Variants in ADCY3 observed in about 807,000 individuals in gnomAD.
ADCY3 encodes the protein adenylate cyclase 3, also known as adenylate cyclase type 3.
A neutral mutation model predicts 119.4 loss-of-function variants in ADCY3; 70 were observed. The observed-to-expected ratio is 0.59, with a 90% CI of 0.48 to 0.72. The LOEUF is 0.72. Among genes scored for constraint, ADCY3 ranks in the 30% least tolerant of loss-of-function variants. ADCY3 has a pLI of 0.00. For missense variants in ADCY3, 1,238 were observed against 1,541.6 expected, an observed-to-expected ratio of 0.80 and a Z score of 3.30; for synonymous variants, 672 against 621.4, an observed-to-expected ratio of 1.08 and a Z score of -1.21.
At chr2:24,879,522 C>T (rs1282864226) in intron 2 of ADCY3, among the ~76,000 whole-genome samples, 5 of 150,842 alleles carry the variant, frequency 3.3e-5, no homozygotes, top group Non-Finnish European at 7.4e-5. Context: ...GCACAAAATA[C>T]CCCTTTCATG....
chr2:24,846,753 A>G (rs1255336356), intron 3 of ADCY3, among the ~76,000 whole-genome samples: 1 of 151,848 alleles, frequency 6.6e-6, no homozygotes, highest in Admixed American at 6.6e-5. Flanking sequence ...TAATTTTTGT[A>G]TTTTTAGTAG....
chr2:24,902,571 C>CAACA (rs1332251591), intron 2 of ADCY3, among the ~76,000 whole-genome samples: 1 of 152,108 alleles, frequency 6.6e-6, no homozygotes, highest in Admixed American at 6.6e-5. Flanking sequence ...GGCCCTTGAA[C>CAACA]AACAGGGTTT....
At position 24,842,136 on chromosome 2, in the gene ADCY3, G is replaced by T; in HGVS notation, c.956+118C>A. 2 of 1,400,070 alleles carry T rather than the reference G, an allele frequency of 1.4e-6. No homozygotes were observed. Among genetic ancestry groups the T allele is most frequent in the Non-Finnish European group, 2.0e-6 (2 of 1,022,888 alleles). The allele number at this position is 1,400,070 out of a possible 1,614,324, so 86.7% of individuals were successfully genotyped here. ...GCCAGGCTGATGAATGCTGTGGGAGGCCTTGCTTCTAGTCCCTGGAAAACC... is the reference window on the plus strand; with the variant it reads ...GCCAGGCTGATGAATGCTGTGGGAGTCCTTGCTTCTAGTCCCTGGAAAACC... On this transcript the variant is annotated intron_variant, in intron 4 of 21. Coordinates refer to ENST00000679454, the MANE Select transcript of ADCY3 (RefSeq NM_004036.5). The surrounding 1 kb of genome is among the most constrained non-coding windows in gnomAD (Gnocchi z 4.9).
intron 3 of ADCY3, among the ~76,000 whole-genome samples, chr2:24,853,005 GGTGTGTGTGT>G (rs58904311): frequency 0.085 from 8,085 of 94,850 alleles, 286 homozygotes; most frequent in Middle Eastern, 0.097. Flanking sequence ...ACAGCTGGAG[GGTGTGTGTGT>G]GTGTGTGTGT....
At chr2:24,837,148 A>C in intron 8 of ADCY3, 103 bp from the exon 9 acceptor site, 1 of 1,322,420 alleles carries the variant, frequency 7.6e-7, no homozygotes, top group East Asian at 2.5e-5. Context: ...ATTAGAGAGC[A>C]ATCTGAGGCC....
chr2:24,870,202 T>C (rs1674806951), intron 3 of ADCY3, among the ~76,000 whole-genome samples: 1 of 149,740 alleles, frequency 6.7e-6, no homozygotes, highest in South Asian at 2.1e-4. Flanking sequence ...GTGCTTGTAA[T>C]CCCAGCTACT....
At chr2:24,875,994 G>GT (rs951452608) in intron 2 of ADCY3, among the ~76,000 whole-genome samples, 1 of 141,560 alleles carries the variant, frequency 7.1e-6, no homozygotes, top group African/African-American at 3.1e-5. Context: ...TTTGGGAGGG[G>GT]GGCGGTGGTG....
At chr2:24,853,011 T>G (rs902919070) in intron 3 of ADCY3, among the ~76,000 whole-genome samples, 4 of 5,852 alleles carry the variant, frequency 6.8e-4, no homozygotes, top group African/African-American at 4.3e-3. Flanking sequence ...GGAGGGTGTG[T>G]GTGTGTGTGT....
At chr2:24,867,275 T>C (rs1363636618) in intron 3 of ADCY3, among the ~76,000 whole-genome samples, 1 of 152,234 alleles carries the variant, frequency 6.6e-6, no homozygotes, top group Non-Finnish European at 1.5e-5. Context: ...TTTAAAGGGC[T>C]AGAAGTAAAA....
chr2:24,839,789 C>A (rs1670780600), intron 7 of ADCY3, 84 bp downstream of exon 7: 1 of 1,586,124 alleles, frequency 6.3e-7, no homozygotes, highest in Admixed American at 1.7e-5. Flanking sequence ...GCCCCCTGTC[C>A]CTCATCAGGG....
intron 15 of ADCY3, 149 bp from the exon 16 acceptor site, chr2:24,826,275 C>G: frequency 1.5e-6 from 1 of 664,254 alleles, no homozygotes; most frequent in East Asian, 2.8e-5. Flanking sequence ...AAGTCGGGCT[C>G]CCCCGGGCAG....
chr2:24,828,422 C>T (rs1253790486), intron 13 of ADCY3, among the ~76,000 whole-genome samples: 1 of 152,146 alleles, frequency 6.6e-6, no homozygotes, highest in Non-Finnish European at 1.5e-5. Flanking sequence ...ACAGAAAACT[C>T]GGGCCAGATT....
At position 24,822,638 on chromosome 2, in the gene ADCY3, C is replaced by A. The variant is rs1667947770; in HGVS notation, c.2884-8G>T. On this transcript the variant is annotated splice_polypyrimidine_tract_variant and splice_region_variant and intron_variant, in intron 18 of 21. Coordinates refer to ENST00000679454, the MANE Select transcript of ADCY3 (RefSeq NM_004036.5). ...CTTGGGATTGTCCAGGAGCTGAGGC[C>A]AGGATTCAGGAAAGAATTGTCAGCA... 1 of 1,613,124 alleles carries A rather than the reference C, an allele frequency of 6.2e-7. No homozygotes were observed. The highest frequency in any genetic ancestry group is 1.3e-5 in the African/African-American group (1 of 74,840).
intron 3 of ADCY3, among the ~76,000 whole-genome samples, chr2:24,853,539 G>A (rs1271574712): frequency 2.1e-5 from 3 of 143,290 alleles, no homozygotes; most frequent in Admixed American, 7.5e-5. Flanking sequence ...GTGCGACCTC[G>A]GCTCACTGCA....
At position 24,898,396 on chromosome 2, in the gene ADCY3, G is replaced by A. The variant is rs760900870; in HGVS notation, c.675+19917C>T. On this transcript the variant is annotated intron_variant, in intron 2 of 21. Coordinates refer to ENST00000679454, the MANE Select transcript of ADCY3 (RefSeq NM_004036.5). The surrounding 1 kb of genome is among the most constrained non-coding windows in gnomAD (Gnocchi z 4.3). ...CGGGATGGGAGTCGGGACACTGACTGTGTGGGAATGCACCTATGCAGGGCT... is the reference window on the plus strand; with the variant it reads ...CGGGATGGGAGTCGGGACACTGACTATGTGGGAATGCACCTATGCAGGGCT... 2.0e-5 allele frequency among the ~76,000 whole-genome samples: 3 copies of A among 152,122 alleles called. No homozygotes were observed. The highest frequency in any genetic ancestry group is 4.4e-5 in the Non-Finnish European group (3 of 68,024).
chr2:24,851,541 C>T (rs1672294564), intron 3 of ADCY3, among the ~76,000 whole-genome samples: 1 of 152,188 alleles, frequency 6.6e-6, no homozygotes, highest in Admixed American at 6.5e-5. Context: ...GACCCTGAAC[C>T]CAGGGCTCTG....
intron 3 of ADCY3, among the ~76,000 whole-genome samples, chr2:24,862,294 C>T (rs553244878): frequency 6.6e-6 from 1 of 152,320 alleles, no homozygotes; most frequent in East Asian, 1.9e-4. Context: ...CGCCTGTAAT[C>T]CCAGCACTTT....
chr2:24,843,745 G>A (rs1671330338), intron 3 of ADCY3, among the ~76,000 whole-genome samples: 1 of 152,114 alleles, frequency 6.6e-6, no homozygotes, highest in Non-Finnish European at 1.5e-5. Context: ...CCTCTGTGCG[G>A]GCACCTGCAG....
chr2:24,829,375 G>A (rs893824334), intron 13 of ADCY3, among the ~76,000 whole-genome samples: 2 of 147,692 alleles, frequency 1.4e-5, no homozygotes, highest in African/African-American at 5.0e-5. Context: ...ACCACTGGCA[G>A]AATAAGTCTC....
Sources: allele counts gnomAD v4.1 joint callset (sites outside exome capture counted in the v4.1 genomes callset), GRCh38; gene constraint gnomAD v4.1.1; non-coding constraint Gnocchi (gnomAD v3.1); transcripts MANE v1.5; gene names NCBI Gene and HGNC (gene_info 2026-07-23, HGNC 2026-07-21).